The following THSD4 variants were observed in gnomAD, a reference collection of about 807,000 sequenced individuals.
The protein encoded by THSD4 is thrombospondin type 1 domain containing 4, also known as thrombospondin type-1 domain-containing protein 4.
THSD4 carries 69 observed loss-of-function variants against 119.0 expected under a neutral mutation model. The observed-to-expected ratio is 0.58, with a 90% CI of 0.48 to 0.71. The LOEUF (loss-of-function observed/expected upper bound fraction) is 0.71. Ranked by LOEUF, THSD4 falls within the 30% of genes least tolerant of loss-of-function variation. The probability of loss-of-function intolerance (pLI) is 0.00; values close to 1 mark genes in which losing one functional copy is unlikely to be tolerated. For missense variants in THSD4, 1,393 were observed against 1,391.1 expected (o/e 1.00, Z -0.02); for synonymous variants, 524 against 540.4 (o/e 0.97, Z 0.42).
chr15:71,326,691 AAAAAAAAAAATATATAT>A (rs1354748551), intron 6 of THSD4, among the ~76,000 whole-genome samples: 8 of 53,932 alleles, frequency 1.5e-4, no homozygotes, highest in African/African-American at 5.8e-4. Context: ...AAAAAAAAAA[AAAAAAAAAAATATATAT>A]ATATATATAT....
Position 71,765,103 on chromosome 15 carries a change from C to T in THSD4, c.2673C>T (p.Asp891=), listed in dbSNP as rs189306567. ...RKNADTFEVL[D]PSECSFLEKP... is the part of the protein sequence containing the mutation. ...ATGCAGACACCTTTGAAGTGTTGGA[C>T]CCCTCTGAATGTTCTTTCCTGGAGA... Residue 891 remains aspartate (D), a synonymous_variant, in exon 16 of 18, where the codon GAC becomes GAT. Coordinates refer to ENST00000261862, the MANE Select transcript of THSD4 (RefSeq NM_024817.3). 13 of 1,614,180 alleles carry T rather than the reference C, an allele frequency of 8.1e-6. No homozygotes were observed. Among genetic ancestry groups the T allele is most frequent in the African/African-American group, 5.3e-5 (4 of 75,030 alleles).
chr15:71,406,982 C>G (rs556424588), intron 6 of THSD4, among the ~76,000 whole-genome samples: 6 of 152,108 alleles, frequency 3.9e-5, no homozygotes, highest in Admixed American at 6.6e-5. Context: ...CTGTACCCAG[C>G]CTGTCAGTTT....
chr15:71,223,096 A>G (rs2043987849), intron 4 of THSD4, among the ~76,000 whole-genome samples: 1 of 152,182 alleles, frequency 6.6e-6, no homozygotes, highest in Admixed American at 6.5e-5. Context: ...TGCCAGACAC[A>G]CTGGCAGTTG....
chr15:71,217,030 C>G (rs896931257), intron 4 of THSD4, among the ~76,000 whole-genome samples: 2 of 152,176 alleles, frequency 1.3e-5, no homozygotes, highest in African/African-American at 4.8e-5. Flanking sequence ...CTCCTGACCT[C>G]AAGTGATCTG....
chr15:71,301,055 T>C lies in THSD4; in HGVS notation c.1015+44340T>C, dbSNP rs1483276575. 3.3e-4 allele frequency among the ~76,000 whole-genome samples: 50 copies of C among 152,192 alleles called. 2 individuals carry two copies. The highest frequency in any genetic ancestry group is 3.3e-3 in the Admixed American group (50 of 15,284). On this transcript the variant is annotated intron_variant, in intron 6 of 17. Coordinates refer to ENST00000261862, the MANE Select transcript of THSD4 (RefSeq NM_024817.3). ...GGCCTTTGCTGCAGGACAAGGGAAA[T>C]TTCTCTGCCCTAAGATTATTTTCTA...
intron 6 of THSD4, among the ~76,000 whole-genome samples, chr15:71,356,884 T>C (rs1028547921): frequency 3.3e-5 from 5 of 152,146 alleles, no homozygotes; most frequent in African/African-American, 1.2e-4. Flanking sequence ...CCAGTAGCAC[T>C]GTATGGCAGG....
chr15:71,555,211 C>T (rs1192837287), intron 7 of THSD4, among the ~76,000 whole-genome samples: 1 of 152,148 alleles, frequency 6.6e-6, no homozygotes, highest in African/African-American at 2.4e-5. Flanking sequence ...TTGTTTAACT[C>T]TACAGTTAAT....
At position 71,779,827 on chromosome 15, in the gene THSD4, G is replaced by A. The variant is rs2053970821; in HGVS notation, c.*2453G>A. On this transcript the variant is annotated 3_prime_UTR_variant, in exon 18 of 18. Coordinates refer to ENST00000261862, the MANE Select transcript of THSD4 (RefSeq NM_024817.3). ...ACCCCATGTCTCCCTTGGGGAGAAA[G>A]TGCATAAACCAGGGGTCTCTTTTTT... 1 of 136,038 alleles carries A rather than the reference G, an allele frequency of 7.4e-6. No individual in the cohort carries two copies. The highest frequency in any genetic ancestry group is 2.7e-5 in the African/African-American group (1 of 36,550). 8.4% of individuals were successfully genotyped at this position (136,038 alleles called of 1,614,324 possible).
chr15:71,547,040 C>A (rs1048651297), intron 7 of THSD4, among the ~76,000 whole-genome samples: 1 of 152,150 alleles, frequency 6.6e-6, no homozygotes, highest in African/African-American at 2.4e-5. Flanking sequence ...TAGGGGCTGT[C>A]CCCCTGCATG....
At chr15:71,425,300 T>A (rs763361623) in intron 7 of THSD4, among the ~76,000 whole-genome samples, 1 of 152,240 alleles carries the variant, frequency 6.6e-6, no homozygotes, top group African/African-American at 2.4e-5. Flanking sequence ...ACATAGGGTT[T>A]ATTATTAATA....
At chr15:71,738,081 G>A (rs760521815) in intron 11 of THSD4, 74 bp downstream of exon 11, 49 of 1,558,078 alleles carry the variant, frequency 3.1e-5, no homozygotes, top group Non-Finnish European at 3.7e-5. Context: ...CCAAGGCAGC[G>A]GTCCCCGGCT....
At chr15:71,402,543 C>T (rs1355306665) in intron 6 of THSD4, among the ~76,000 whole-genome samples, 1 of 152,162 alleles carries the variant, frequency 6.6e-6, no homozygotes, top group East Asian at 1.9e-4. Flanking sequence ...GGCTGTGATG[C>T]AGTCACACCA....
At chr15:71,232,584 AG>A (rs1023712588) in intron 4 of THSD4, among the ~76,000 whole-genome samples, 4 of 151,920 alleles carry the variant, frequency 2.6e-5, no homozygotes, top group African/African-American at 9.7e-5. Flanking sequence ...TAGGTAGGGT[AG>A]GGTTCCAGGA....
chr15:71,398,577 G>A (rs999378798), intron 6 of THSD4, among the ~76,000 whole-genome samples: 1 of 152,118 alleles, frequency 6.6e-6, no homozygotes, highest in Non-Finnish European at 1.5e-5. Context: ...GCCAATAATA[G>A]GGATTGAAAG....
chr15:71,506,268 A>G (rs2048185663), intron 7 of THSD4, among the ~76,000 whole-genome samples: 2 of 152,014 alleles, frequency 1.3e-5, no homozygotes, highest in South Asian at 2.1e-4. Context: ...TCCTTCTGTA[A>G]TTTAGGTTGT....
At chr15:71,651,069 C>G (rs2051077266) in intron 7 of THSD4, among the ~76,000 whole-genome samples, 1 of 152,162 alleles carries the variant, frequency 6.6e-6, no homozygotes, top group African/African-American at 2.4e-5. Flanking sequence ...GTATCAAGAT[C>G]TATGCTCAGA....
rs182293380 is a variant in THSD4, at chr15:71,387,147, G to A, written c.1016-24540G>A. Among the ~76,000 whole-genome samples, 301 of 151,960 alleles carry A rather than the reference G, an allele frequency of 2.0e-3. 5 individuals are homozygous for A. The South Asian group carries it at 0.027, about 14-fold the overall frequency. ...GACTTGGGCCGGATGCTTTTATCAC[G>A]TTTGAAGAATGAATAGCTGTGCGCT... On this transcript the variant is annotated intron_variant, in intron 6 of 17. Coordinates refer to ENST00000261862, the MANE Select transcript of THSD4 (RefSeq NM_024817.3).
At chr15:71,629,041 C>T (rs961033858) in intron 7 of THSD4, among the ~76,000 whole-genome samples, 7 of 152,176 alleles carry the variant, frequency 4.6e-5, no homozygotes, top group African/African-American at 7.2e-5. Flanking sequence ...ACAGTTATCA[C>T]GGGGTTTGGT....
chr15:71,562,717 T>TTTTC (rs1401366069), intron 7 of THSD4, among the ~76,000 whole-genome samples: 5 of 150,636 alleles, frequency 3.3e-5, no homozygotes, highest in African/African-American at 1.2e-4. Context: ...TTTTTTCTTT[T>TTTTC]CTGAAACGGA....
Sources: gnomAD v4.1 joint callset for allele counts (sites outside exome capture counted in the v4.1 genomes callset) on GRCh38, gnomAD v4.1.1 for gene constraint, MANE v1.5 for transcripts, NCBI Gene and HGNC (gene_info 2026-07-23, HGNC 2026-07-21) for gene names.